LDLRAD4: variants seen among roughly 807,000 people sequenced by gnomAD.
The protein encoded by LDLRAD4 is low density lipoprotein receptor class A domain containing 4, also known as low-density lipoprotein receptor class A domain-containing protein 4.
A neutral mutation model predicts 17.0 loss-of-function variants in LDLRAD4; 5 were observed. That is an observed-to-expected ratio of 0.29 (90% CI 0.15 to 0.62). The LOEUF (loss-of-function observed/expected upper bound fraction) is 0.62. Ranked by LOEUF, LDLRAD4 falls within the 20% of genes least tolerant of loss-of-function variation. LDLRAD4 has a pLI of 0.84. For missense variants in LDLRAD4, 340 were observed against 424.7 expected (o/e 0.80, Z 1.75); for synonymous variants, 168 against 171.8 (o/e 0.98, Z 0.17).
chr18:13,358,939 A>G (rs1220887182), intron 1 of LDLRAD4, among the ~76,000 whole-genome samples: 1 of 152,224 alleles, frequency 6.6e-6, no homozygotes, highest in East Asian at 1.9e-4. Context: ...GAAAGTGAAA[A>G]GAACTATGGA....
chr18:13,232,010 G>A (rs974231592), intron 1 of LDLRAD4, among the ~76,000 whole-genome samples: 2 of 152,222 alleles, frequency 1.3e-5, no homozygotes, highest in African/African-American at 4.8e-5. Context: ...CCACCTAGTC[G>A]ATGTCATTTT....
intron 1 of LDLRAD4, among the ~76,000 whole-genome samples, chr18:13,264,856 A>G (rs921677702): frequency 1.4e-4 from 21 of 152,228 alleles, no homozygotes; most frequent in Admixed American, 1.4e-3. Context: ...AAAGCGTTTC[A>G]AGTACAGTCT....
chr18:13,345,330 T>C (rs1188399060), intron 1 of LDLRAD4, among the ~76,000 whole-genome samples: 7 of 152,326 alleles, frequency 4.6e-5, no homozygotes, highest in Admixed American at 3.3e-4. Flanking sequence ...TCTGCATCTA[T>C]TGAGATAATC....
chr18:13,621,218 T>TC lies in LDLRAD4; in HGVS notation c.285dup (p.Phe96LeufsTer72). The TC allele has an allele frequency of 6.2e-7, 1 of 1,614,020 alleles. No homozygotes were observed. The highest frequency in any genetic ancestry group is 8.5e-7 in the Non-Finnish European group (1 of 1,180,024). The stretch of plus-strand genomic sequence containing the variant: ...GAACCACTACAAAGTCTCCACGCGG[T>TC]CCTTCATCAACCGCCCGAACCAGAG... On this transcript the variant is annotated frameshift_variant, in exon 4 of 6. Transcript: ENST00000359446. LOFTEE classifies it high-confidence loss of function. This position sits in a 1 kb window ranked among gnomAD's most constrained non-coding sequence, Gnocchi z 5.5.
chr18:13,379,056 A>G (rs1160983385), intron 1 of LDLRAD4, among the ~76,000 whole-genome samples: 1 of 152,224 alleles, frequency 6.6e-6, no homozygotes, highest in Non-Finnish European at 1.5e-5. Context: ...TAGATACACA[A>G]TGGCTCCATC....
chr18:13,641,621 G>A, intron 4 of LDLRAD4: 1 of 309,296 alleles, frequency 3.2e-6, no homozygotes, highest in Non-Finnish European at 4.7e-6. Flanking sequence ...TGCGGGGCCC[G>A]AGGACTGGGG....
chr18:13,436,801 G>A (rs543710948), intron 2 of LDLRAD4, among the ~76,000 whole-genome samples: 5 of 152,360 alleles, frequency 3.3e-5, no homozygotes, highest in African/African-American at 1.2e-4. Flanking sequence ...AACCTGGATG[G>A]CGCCGCTAGC....
At chr18:13,283,737 T>G (rs2045429877) in intron 1 of LDLRAD4, among the ~76,000 whole-genome samples, 1 of 152,240 alleles carries the variant, frequency 6.6e-6, no homozygotes, top group Non-Finnish European at 1.5e-5. Flanking sequence ...TTCGAGTATC[T>G]TTTCAGCAGT....
intron 1 of LDLRAD4, among the ~76,000 whole-genome samples, chr18:13,290,621 T>C (rs2045911947): frequency 6.6e-6 from 1 of 152,154 alleles, no homozygotes; most frequent in African/African-American, 2.4e-5. Flanking sequence ...CTTGCACATG[T>C]AAAAAATTAG....
At chr18:13,365,973 C>A (rs573256193) in intron 1 of LDLRAD4, among the ~76,000 whole-genome samples, 1 of 152,220 alleles carries the variant, frequency 6.6e-6, no homozygotes, top group African/African-American at 2.4e-5. Flanking sequence ...AGGGGTTTCA[C>A]CATGTTGGCT....
intron 3 of LDLRAD4, among the ~76,000 whole-genome samples, chr18:13,506,071 T>C (rs1316756109): frequency 6.6e-6 from 1 of 152,132 alleles, no homozygotes; most frequent in African/African-American, 2.4e-5. Flanking sequence ...AGAGTTTCTT[T>C]AATGTGAACT....
At chr18:13,341,186 T>C (rs566789751) in intron 1 of LDLRAD4, among the ~76,000 whole-genome samples, 110 of 152,128 alleles carry the variant, frequency 7.2e-4, no homozygotes, top group Middle Eastern at 3.4e-3. Context: ...GTTTTTTTTT[T>C]CCCCCTAAAA....
chr18:13,304,778 A>C (rs2046811427), intron 1 of LDLRAD4, among the ~76,000 whole-genome samples: 1 of 152,248 alleles, frequency 6.6e-6, no homozygotes, highest in Non-Finnish European at 1.5e-5. Context: ...ACAGACCTGA[A>C]GATGGGAGAC....
At chr18:13,577,819 T>C (rs1197045436) in intron 3 of LDLRAD4, among the ~76,000 whole-genome samples, 1 of 152,110 alleles carries the variant, frequency 6.6e-6, no homozygotes, top group Admixed American at 6.5e-5. Context: ...TGCCTGAAAA[T>C]GGACTCTTGC....
intron 3 of LDLRAD4, among the ~76,000 whole-genome samples, chr18:13,556,671 G>T (rs1007419580): frequency 2.0e-5 from 3 of 152,196 alleles, no homozygotes; most frequent in Non-Finnish European, 4.4e-5. Flanking sequence ...GAGTGTCCAT[G>T]GGTAAACAAA....
intron 3 of LDLRAD4, among the ~76,000 whole-genome samples, chr18:13,450,329 C>CG: frequency 8.7e-6 from 1 of 115,438 alleles, no homozygotes; most frequent in East Asian, 2.5e-4. Flanking sequence ...TCCCCCCACC[C>CG]CCCCCCCCAA....
chr18:13,275,285 T>C (rs1010374807), upstream of LDLRAD4, among the ~76,000 whole-genome samples: 4 of 152,238 alleles, frequency 2.6e-5, no homozygotes, highest in African/African-American at 9.6e-5. Flanking sequence ...GCCAGAGAAG[T>C]GGCAAGGATA....
At chr18:13,430,924 C>T (rs541881823) in intron 2 of LDLRAD4, among the ~76,000 whole-genome samples, 8 of 152,064 alleles carry the variant, frequency 5.3e-5, no homozygotes, top group Non-Finnish European at 1.0e-4. Flanking sequence ...ACACATTTCT[C>T]GAAAGGAAAG....
intron 1 of LDLRAD4, among the ~76,000 whole-genome samples, chr18:13,323,837 AGAGTTATCATCT>A (rs1599407943): frequency 6.6e-6 from 1 of 152,172 alleles, no homozygotes; most frequent in Non-Finnish European, 1.5e-5. Flanking sequence ...AAAAGTCATC[AGAGTTATCATCT>A]GAGGTCAGGA....
Sources: allele counts gnomAD v4.1 joint callset (sites outside exome capture counted in the v4.1 genomes callset), GRCh38; gene constraint gnomAD v4.1.1; non-coding constraint Gnocchi (gnomAD v3.1); transcripts MANE v1.5; gene names NCBI Gene and HGNC (gene_info 2026-07-23, HGNC 2026-07-21).